The following GRIN2A variants were observed in gnomAD, a reference collection of about 807,000 sequenced individuals.
GRIN2A encodes the protein glutamate ionotropic receptor NMDA type subunit 2A.
Under a neutral mutation model 113.4 loss-of-function variants are expected in GRIN2A, and 22 were observed. That is an observed-to-expected ratio of 0.19 (90% CI 0.14 to 0.28). The LOEUF (loss-of-function observed/expected upper bound fraction) is 0.28. GRIN2A is among the 10% of genes least tolerant of loss of function. GRIN2A has a pLI of 1.00. For missense variants in GRIN2A, 1,502 were observed against 1,887.0 expected (o/e 0.80, Z 3.78); for synonymous variants, 827 against 738.4 (o/e 1.12, Z -1.94).
intron 2 of GRIN2A, among the ~76,000 whole-genome samples, chr16:10,124,688 A>G (rs1382240131): frequency 6.6e-6 from 1 of 152,178 alleles, no homozygotes; most frequent in African/African-American, 2.4e-5. Context: ...TCATTCATTC[A>G]TGATATTTAT....
At chr16:9,972,426 ATT>A (rs370528554) in intron 2 of GRIN2A, among the ~76,000 whole-genome samples, 253 of 152,352 alleles carry the variant, frequency 1.7e-3, no homozygotes, top group Middle Eastern at 6.8e-3. Context: ...AATCTGACCC[ATT>A]CTCAAGGAAA....
intron 2 of GRIN2A, among the ~76,000 whole-genome samples, chr16:9,957,964 T>C (rs1017178062): frequency 1.3e-5 from 2 of 152,190 alleles, no homozygotes; most frequent in Admixed American, 6.5e-5. Flanking sequence ...TTGTTTTCCA[T>C]GTTGATTGTG....
intron 2 of GRIN2A, among the ~76,000 whole-genome samples, chr16:10,008,026 C>G (rs1165580812): frequency 6.6e-6 from 1 of 151,954 alleles, no homozygotes; most frequent in African/African-American, 2.4e-5. Context: ...AAGTTAAATT[C>G]GATCTTGGAC....
intron 3 of GRIN2A, among the ~76,000 whole-genome samples, chr16:9,917,928 C>T (rs1455652404): frequency 6.6e-6 from 1 of 152,138 alleles, no homozygotes; most frequent in Non-Finnish European, 1.5e-5. Flanking sequence ...ATGAAACATA[C>T]TTAATTAAGC....
At chr16:9,783,334 C>T (rs1218258126) in intron 11 of GRIN2A, among the ~76,000 whole-genome samples, 4 of 152,200 alleles carry the variant, frequency 2.6e-5, no homozygotes, top group Admixed American at 2.0e-4. Context: ...CCGATTTAAT[C>T]GATAGAAGTG....
chr16:10,145,135 C>T (rs922491271), intron 2 of GRIN2A, among the ~76,000 whole-genome samples: 2 of 151,948 alleles, frequency 1.3e-5, no homozygotes, highest in African/African-American at 2.4e-5. Context: ...AAAATAGACT[C>T]ATAGAAGCAG....
chr16:9,798,758 C>A (rs879429386), intron 10 of GRIN2A, among the ~76,000 whole-genome samples: 1 of 152,180 alleles, frequency 6.6e-6, no homozygotes, highest in Non-Finnish European at 1.5e-5. Context: ...CCTTAACACT[C>A]CCAGTGGTGG....
intron 2 of GRIN2A, among the ~76,000 whole-genome samples, chr16:9,984,853 TGTTA>T (rs1325334141): frequency 1.3e-5 from 2 of 152,240 alleles, no homozygotes; most frequent in Non-Finnish European, 2.9e-5. Context: ...TTATTACTTT[TGTTA>T]GTTTGTCTGT....
At chr16:9,899,609 G>T (rs1479941385) in intron 3 of GRIN2A, among the ~76,000 whole-genome samples, 1 of 151,930 alleles carries the variant, frequency 6.6e-6, no homozygotes, top group African/African-American at 2.4e-5. Context: ...TTCTATTGTG[G>T]TCAATTAAAA....
chr16:10,082,077 G>T (rs187380423), intron 2 of GRIN2A, among the ~76,000 whole-genome samples: 282 of 152,294 alleles, frequency 1.9e-3, no homozygotes, highest in Non-Finnish European at 3.0e-3. Context: ...TGGACACAGT[G>T]TCTTTGCCTG....
chr16:9,876,145 T>A (rs149135934), intron 4 of GRIN2A, among the ~76,000 whole-genome samples: 1 of 152,206 alleles, frequency 6.6e-6, no homozygotes, highest in African/African-American at 2.4e-5. Flanking sequence ...AAACCCCTCG[T>A]GGCTTGGATA....
chr16:10,122,238 A>G (rs926224425), intron 2 of GRIN2A, among the ~76,000 whole-genome samples: 2 of 152,196 alleles, frequency 1.3e-5, no homozygotes, highest in African/African-American at 4.8e-5. Context: ...GAGCCAAAAA[A>G]ACTCTGGCTA....
intron 2 of GRIN2A, among the ~76,000 whole-genome samples, chr16:10,093,029 G>A (rs376069321): frequency 3.3e-5 from 5 of 151,948 alleles, no homozygotes; most frequent in South Asian, 4.2e-4. Flanking sequence ...TAGTAGAGGT[G>A]GGGTTTCGCC....
At chr16:9,804,008 C>T (rs1014548886) in intron 10 of GRIN2A, among the ~76,000 whole-genome samples, 2 of 152,158 alleles carry the variant, frequency 1.3e-5, no homozygotes, top group South Asian at 2.1e-4. Context: ...TCATCTGTCT[C>T]GTTCCCAACA....
rs373330028 is a variant in GRIN2A, at chr16:9,983,989, C to A, written c.415-45438G>T. On this transcript the variant is annotated intron_variant, in intron 2 of 12. Transcript: ENST00000330684. ...TATGAGGAAACTCCATACCGTTTTTCATAATGGCTGTTCTAAATTCCCACC... is the reference window on the plus strand; with the variant it reads ...TATGAGGAAACTCCATACCGTTTTTAATAATGGCTGTTCTAAATTCCCACC... Among the ~76,000 whole-genome samples the A allele has an allele frequency of 1.6e-3, 251 of 152,318 alleles. 1 individual carries two copies. The highest frequency in any genetic ancestry group is 5.7e-3 in the African/African-American group (236 of 41,578).
At chr16:9,986,075 G>C (rs571626029) in intron 2 of GRIN2A, among the ~76,000 whole-genome samples, 53 of 151,948 alleles carry the variant, frequency 3.5e-4, no homozygotes, top group Admixed American at 1.8e-3. Flanking sequence ...ATATACAATG[G>C]AATGATCACA....
At chr16:10,109,332 T>C (rs2048563200) in intron 2 of GRIN2A, among the ~76,000 whole-genome samples, 1 of 121,488 alleles carries the variant, frequency 8.2e-6, no homozygotes, top group African/African-American at 2.6e-5. Flanking sequence ...CTGCACTCTA[T>C]AAAACATTTA....
chr16:10,007,999 T>A (rs1473324387), intron 2 of GRIN2A, among the ~76,000 whole-genome samples: 1 of 152,208 alleles, frequency 6.6e-6, no homozygotes, highest in Non-Finnish European at 1.5e-5. Flanking sequence ...ATTCTTTTTT[T>A]CACAGGGCTC....
intron 7 of GRIN2A, among the ~76,000 whole-genome samples, chr16:9,838,323 T>C (rs1186890535): frequency 1.3e-5 from 2 of 152,156 alleles, no homozygotes; most frequent in African/African-American, 2.4e-5. Flanking sequence ...AAGAAGTTAT[T>C]ATATCAAAAA....
Sources: allele counts gnomAD v4.1 joint callset (sites outside exome capture counted in the v4.1 genomes callset), GRCh38; gene constraint gnomAD v4.1.1; transcripts MANE v1.5; gene names NCBI Gene and HGNC (gene_info 2026-07-23, HGNC 2026-07-21).